The following FBXO10 variants were observed in gnomAD, a reference collection of about 807,000 sequenced individuals.
FBXO10 encodes the protein F-box protein 10.
In FBXO10, 39 loss-of-function variants were observed where a neutral mutation model predicts 80.7. That is an observed-to-expected ratio of 0.48 (90% CI 0.37 to 0.63). The LOEUF (loss-of-function observed/expected upper bound fraction) is 0.63, where lower values mean the gene tolerates loss of function less well. Among genes scored for constraint, FBXO10 ranks in the 30% least tolerant of loss-of-function variants. The pLI is 0.00. For missense variants in FBXO10, 1,025 were observed against 1,269.0 expected (o/e 0.81, Z 2.92); for synonymous variants, 449 against 489.6 (o/e 0.92, Z 1.09).
chr9:37,521,213 C>T (rs1588825469), intron 8 of FBXO10, among the ~76,000 whole-genome samples: 1 of 152,328 alleles, frequency 6.6e-6, no homozygotes, highest in East Asian at 1.9e-4. Context: ...GAAGGCCCTG[C>T]CTGGCGGCCG....
intron 10 of FBXO10, 123 bp downstream of exon 10, chr9:37,515,781 G>C (rs755661079): frequency 2.1e-4 from 213 of 1,015,356 alleles, no homozygotes; most frequent in Admixed American, 7.1e-4. Flanking sequence ...TTTCTGACTG[G>C]AGTCGACAGC....
chr9:37,560,507 C>T (rs1054621947), intron 1 of FBXO10, among the ~76,000 whole-genome samples: 2 of 152,104 alleles, frequency 1.3e-5, no homozygotes, highest in Admixed American at 6.5e-5. Flanking sequence ...CAACAATTGC[C>T]CCCTCTTGAC....
chr9:37,530,023 G>A (rs1187048727), intron 4 of FBXO10, among the ~76,000 whole-genome samples: 1 of 152,048 alleles, frequency 6.6e-6, no homozygotes, highest in South Asian at 2.1e-4. Context: ...ACAGGCCCAC[G>A]ATTATATAGT....
intron 8 of FBXO10, among the ~76,000 whole-genome samples, chr9:37,519,736 T>C (rs1433343198): frequency 3.3e-5 from 5 of 152,140 alleles, no homozygotes; most frequent in African/African-American, 1.2e-4. Flanking sequence ...TCTGAATAAG[T>C]GGGTTGGGGC....
At chr9:37,521,114 C>A (rs1469320255) in intron 8 of FBXO10, among the ~76,000 whole-genome samples, 1 of 152,176 alleles carries the variant, frequency 6.6e-6, no homozygotes, top group South Asian at 2.1e-4. Context: ...AGAATGGATT[C>A]AAGTTTAATG....
rs188188786 is a variant in FBXO10 at position 37,571,699 on chromosome 9, G to A, written c.-7+4512C>T. 2.6e-4 allele frequency among the ~76,000 whole-genome samples: 27 copies of A among 102,678 alleles called. No individual in the cohort carries two copies. In the East Asian group the frequency reaches 6.6e-3, roughly 25 times the overall value. The allele number at this position is 102,678 out of a possible 152,430, so 67.4% of individuals were successfully genotyped here. ...GGATCGAAGATATCACCATTTAAGA[G>A]GGTGAAAAGAGAGCCATATATATAT... On this transcript the variant is annotated intron_variant, in intron 1 of 10. Coordinates refer to ENST00000432825, the MANE Select transcript of FBXO10 (RefSeq NM_012166.3).
intron 4 of FBXO10, 54 bp from the exon 5 acceptor site, chr9:37,529,314 A>G (rs1186025411): frequency 9.6e-6 from 15 of 1,564,598 alleles, no homozygotes; most frequent in Non-Finnish European, 9.5e-6. Context: ...TCAGCGAAGC[A>G]GAGTGCCCAG....
chr9:37,568,836 G>A (rs183934029), intron 1 of FBXO10, among the ~76,000 whole-genome samples: 58 of 152,062 alleles, frequency 3.8e-4, no homozygotes, highest in South Asian at 2.1e-4. Context: ...TATCAACTTT[G>A]GTCAAATTGA....
At chr9:37,531,071 G>A (rs1303051981) in intron 4 of FBXO10, among the ~76,000 whole-genome samples, 1 of 152,150 alleles carries the variant, frequency 6.6e-6, no homozygotes, top group Non-Finnish European at 1.5e-5. Flanking sequence ...TGCCTCTTCA[G>A]GCTCTATATC....
At chr9:37,519,731 A>G (rs181701320) in intron 8 of FBXO10, among the ~76,000 whole-genome samples, 57 of 152,320 alleles carry the variant, frequency 3.7e-4, no homozygotes, top group Non-Finnish European at 6.8e-4. Context: ...CATTTTCTGA[A>G]TAAGTGGGTT....
chr9:37,512,621 T>C lies in FBXO10; in HGVS notation c.2797A>G (p.Met933Val), dbSNP rs755714175. Residue 933 changes from methionine (M) to valine (V), a missense_variant, in exon 11 of 11, where the codon ATG becomes GTG. Met to Val is a conservative substitution (Grantham distance 21, BLOSUM62 1). Transcript: ENST00000432825. Reference sequence around the variant, plus strand: ...ACCCGGGCTGTGATCCTCGTTGCCATGGCTGTCACCTTCTGCCCATTGTGG... The same window carrying C: ...ACCCGGGCTGTGATCCTCGTTGCCACGGCTGTCACCTTCTGCCCATTGTGG... Reference protein sequence around the residue: ...AAHNGQKVTAMATRITARVEG... With the variant: ...AAHNGQKVTAVATRITARVEG... The C allele has an allele frequency of 8.1e-6, 13 of 1,613,892 alleles. No homozygotes were observed. Among genetic ancestry groups the C allele is most frequent in the Non-Finnish European group, 1.1e-5 (13 of 1,179,890 alleles).
intron 8 of FBXO10, among the ~76,000 whole-genome samples, chr9:37,519,042 T>C (rs1298935530): frequency 6.6e-6 from 1 of 152,108 alleles, no homozygotes; most frequent in Admixed American, 6.6e-5. Flanking sequence ...CCTGAGTGGC[T>C]GGGACTACAG....
chr9:37,560,997 C>T (rs1822465017), intron 1 of FBXO10, among the ~76,000 whole-genome samples: 1 of 151,954 alleles, frequency 6.6e-6, no homozygotes, highest in Non-Finnish European at 1.5e-5. Context: ...AAAAAATTAG[C>T]CGGGCATGGT....
At position 37,541,481 on chromosome 9, in the gene FBXO10, G is replaced by A. The variant is rs756998791; in HGVS notation, c.288C>T (p.Ile96=). 1.2e-6 allele frequency: 2 copies of A among 1,614,054 alleles called. No homozygotes were observed. Among genetic ancestry groups the A allele is most frequent in the Non-Finnish European group, 1.7e-6 (2 of 1,179,896 alleles). ...TKNALDLESS[I]CFSLFRRRRE... ...TCCTCCGGCGGAATAGAGAAAAGCA[G>A]ATGGAAGACTCCAAGTCCAAGGCAT... Residue 96 remains isoleucine, a synonymous_variant, in exon 2 of 11, where the codon ATC becomes ATT. Transcript: ENST00000432825.
intron 1 of FBXO10, among the ~76,000 whole-genome samples, chr9:37,571,776 A>T (rs181068037): frequency 1.4e-5 from 2 of 143,918 alleles, no homozygotes; most frequent in Admixed American, 7.0e-5. Flanking sequence ...AATTTAAAAA[A>T]TTTAAAAATG....
At chr9:37,571,983 A>T (rs905483070) in intron 1 of FBXO10, among the ~76,000 whole-genome samples, 1 of 151,536 alleles carries the variant, frequency 6.6e-6, no homozygotes, top group Non-Finnish European at 1.5e-5. Flanking sequence ...AAAAAAAATA[A>T]AATAATTATC....
chr9:37,521,845 C>G lies in FBXO10; in HGVS notation c.1931-7G>C, dbSNP rs1821355628. 6 of 1,562,750 alleles carry G rather than the reference C, an allele frequency of 3.8e-6. No individual in the cohort carries two copies. The highest frequency in any genetic ancestry group is 5.2e-6 in the Non-Finnish European group (6 of 1,156,452). Reference sequence around the variant, plus strand: ...ACACCACAGCCCTTGTTAGCTGGGACAGTGAGAGGAGCTGGTCACCGACAC... The same window carrying G: ...ACACCACAGCCCTTGTTAGCTGGGAGAGTGAGAGGAGCTGGTCACCGACAC... On this transcript the variant is annotated splice_region_variant and splice_polypyrimidine_tract_variant and intron_variant, in intron 7 of 10. Coordinates refer to ENST00000432825, the MANE Select transcript of FBXO10 (RefSeq NM_012166.3).
chr9:37,529,105 G>A lies in FBXO10; in HGVS notation c.1706+19C>T, dbSNP rs1304955325. 2 of 1,613,640 alleles carry A rather than the reference G, an allele frequency of 1.2e-6. No homozygotes were observed. The highest frequency in any genetic ancestry group is 3.3e-5 in the Admixed American group (2 of 59,966). ...GGAGGAGGTTAACAAAGATGAAGGA[G>A]GGAAACAGCAGCACACACCTCACAA... On this transcript the variant is annotated intron_variant, in intron 5 of 10. Coordinates refer to ENST00000432825, the MANE Select transcript of FBXO10 (RefSeq NM_012166.3).
chr9:37,514,037 C>T (rs779292815), intron 10 of FBXO10, among the ~76,000 whole-genome samples: 6 of 152,172 alleles, frequency 3.9e-5, no homozygotes, highest in Non-Finnish European at 8.8e-5. Context: ...TTTTCTGATG[C>T]TTGAGTTACA....
Sources: allele counts gnomAD v4.1 joint callset (sites outside exome capture counted in the v4.1 genomes callset), GRCh38; gene constraint gnomAD v4.1.1; transcripts MANE v1.5; gene names NCBI Gene and HGNC (gene_info 2026-07-23, HGNC 2026-07-21).